MAN1C1: variants seen among roughly 807,000 people sequenced by gnomAD.
MAN1C1 encodes the protein mannosidase alpha class 1C member 1, also known as mannosyl-oligosaccharide 1,2-alpha-mannosidase IC.
A neutral mutation model predicts 71.5 loss-of-function variants in MAN1C1; 49 were observed. That is an observed-to-expected ratio of 0.69 (90% CI 0.54 to 0.87). The LOEUF is 0.87. Among genes scored for constraint, MAN1C1 ranks in the 40% least tolerant of loss-of-function variants. The probability of loss-of-function intolerance (pLI) is 0.00; values close to 1 mark genes in which losing one functional copy is unlikely to be tolerated. For synonymous variants in MAN1C1, 352 were observed against 343.7 expected (o/e 1.02, Z -0.27); for missense variants, 743 against 835.0 (o/e 0.89, Z 1.36).
At chr1:25,738,259 C>G (rs1419320218) in intron 2 of MAN1C1, among the ~76,000 whole-genome samples, 1 of 151,816 alleles carries the variant, frequency 6.6e-6, no homozygotes, top group Non-Finnish European at 1.5e-5. Context: ...TATTCCTGCT[C>G]AAGGAAAAAA....
intron 1 of MAN1C1, among the ~76,000 whole-genome samples, chr1:25,684,437 TG>T (rs986777330): frequency 6.6e-6 from 1 of 152,176 alleles, no homozygotes; most frequent in African/African-American, 2.4e-5. Context: ...TGGCCAAGCC[TG>T]GGGGGGTGTC....
chr1:25,716,008 T>G (rs1400431984), intron 2 of MAN1C1, among the ~76,000 whole-genome samples: 2 of 152,174 alleles, frequency 1.3e-5, no homozygotes, highest in African/African-American at 2.4e-5. Flanking sequence ...GTGGCTCCAG[T>G]CATCGTGTCC....
intron 2 of MAN1C1, among the ~76,000 whole-genome samples, chr1:25,713,662 T>C (rs1252420577): frequency 6.6e-6 from 1 of 152,174 alleles, no homozygotes; most frequent in African/African-American, 2.4e-5. Flanking sequence ...CTGATTCATA[T>C]GAGGTCTGAA....
rs1288375792 is a variant in MAN1C1, at chr1:25,631,876, A to G, written c.540+13539A>G. Among the ~76,000 whole-genome samples the G allele has an allele frequency of 6.6e-6, 1 of 152,142 alleles. No individual in the cohort carries two copies. The highest frequency in any genetic ancestry group is 1.5e-5 in the Non-Finnish European group (1 of 68,022). ...ACCTCTGCCTGCTTAGGTTCAAGTG[A>G]TTCTCCTGCCTCAGCTGCCTGAGTA... is the stretch of plus-strand genomic sequence containing the variant. On this transcript the variant is annotated intron_variant, in intron 1 of 11. Coordinates refer to ENST00000374332, the MANE Select transcript of MAN1C1 (RefSeq NM_020379.4). This position sits in a 1 kb window ranked among gnomAD's most constrained non-coding sequence, Gnocchi z 4.2.
Position 25,686,625 on chromosome 1 carries a change from C to T in MAN1C1, c.637+89C>T. On this transcript the variant is annotated intron_variant, in intron 2 of 11. Coordinates refer to ENST00000374332, the MANE Select transcript of MAN1C1 (RefSeq NM_020379.4). Reference sequence around the variant, plus strand: ...AATTTTACTTTTGGCTTTTCACCTCCTGAGCTGTGGGGGCTCCACAGTTCT... The same window carrying T: ...AATTTTACTTTTGGCTTTTCACCTCTTGAGCTGTGGGGGCTCCACAGTTCT... The T allele has an allele frequency of 8.0e-6, 9 of 1,123,418 alleles. No homozygotes were observed. The Admixed American group carries it at 1.2e-4, about 15-fold the overall frequency. The allele number at this position is 1,123,418 out of a possible 1,614,324, so 69.6% of individuals were successfully genotyped here. A position where few individuals can be genotyped will look rare whatever the true frequency, so the allele number is the denominator to read the frequency against.
intron 2 of MAN1C1, among the ~76,000 whole-genome samples, chr1:25,715,347 A>G (rs1465540888): frequency 6.6e-6 from 1 of 152,128 alleles, no homozygotes; most frequent in Non-Finnish European, 1.5e-5. Flanking sequence ...CTCAAGCAGA[A>G]CATGGACTAG....
Position 25,750,288 on chromosome 1 carries a change from C to T in MAN1C1, c.834+953C>T, listed in dbSNP as rs1001087384. 5.9e-5 allele frequency among the ~76,000 whole-genome samples: 9 copies of T among 152,206 alleles called. 1 individual carries two copies. The South Asian group carries it at 1.0e-3, about 18-fold the overall frequency. On this transcript the variant is annotated intron_variant, in intron 4 of 11. Transcript: ENST00000374332. ...TAGAAATGGGAGGCTTCTTCATCCCCGCTCCCGAGCTCCGGTAAAAGCACA... is the reference window on the plus strand; with the variant it reads ...TAGAAATGGGAGGCTTCTTCATCCCTGCTCCCGAGCTCCGGTAAAAGCACA...
chr1:25,656,095 C>CTTTGTTTTTTTTTTTTTTTT (rs2045761083), intron 1 of MAN1C1, among the ~76,000 whole-genome samples: 1 of 74,988 alleles, frequency 1.3e-5, no homozygotes, highest in Non-Finnish European at 2.2e-5. Context: ...GATTATCAGT[C>CTTTGTTTTTTTTTTTTTTTT]TTTTTTTTTT....
chr1:25,706,794 C>T (rs1347132699), intron 2 of MAN1C1, among the ~76,000 whole-genome samples: 1 of 152,148 alleles, frequency 6.6e-6, no homozygotes, highest in Admixed American at 6.5e-5. Flanking sequence ...AAGAGCAGAG[C>T]CCTCCTCTCA....
Position 25,617,951 on chromosome 1 carries a change from C to T in MAN1C1, c.154C>T (p.Leu52Phe). The T allele has an allele frequency of 6.2e-7, 1 of 1,608,756 alleles. No individual in the cohort carries two copies. Among genetic ancestry groups the T allele is most frequent in the Non-Finnish European group, 8.5e-7 (1 of 1,178,194 alleles). The part of the protein sequence containing the change: ...LLPHSSRLKR[L>F]FLAPRTQQPG... ...GCCCCACTCCTCTCGCCTCAAGCGCCTCTTCCTGGCCCCCCGGACCCAGCA... is the reference window on the plus strand; with the variant it reads ...GCCCCACTCCTCTCGCCTCAAGCGCTTCTTCCTGGCCCCCCGGACCCAGCA... The change falls in exon 1 of 12, where the codon CTC becomes TTC. Residue 52 changes from leucine (L) to phenylalanine (F), a missense_variant. Transcript: ENST00000374332. The surrounding 1 kb of genome is among the most constrained non-coding windows in gnomAD (Gnocchi z 5.1).
At chr1:25,700,031 G>A (rs952438241) in intron 2 of MAN1C1, among the ~76,000 whole-genome samples, 5 of 152,314 alleles carry the variant, frequency 3.3e-5, no homozygotes, top group Non-Finnish European at 5.9e-5. Context: ...AAAGAGCCCC[G>A]GAAGTATGTT....
rs75815331 is a variant in MAN1C1 at position 25,736,145 on chromosome 1, C to G, written c.638-10523C>G. Among the ~76,000 whole-genome samples, 1,460 of 152,232 alleles carry G rather than the reference C, an allele frequency of 9.6e-3. 17 individuals carry two copies. Among genetic ancestry groups the G allele is most frequent in the African/African-American group, 0.032 (1,348 of 41,524 alleles). ...GCGGCAAAGGGCTCTGATTTTTGCC[C>G]TTCTCCCCATTGAGGCAAAGAGAGT... On this transcript the variant is annotated intron_variant, in intron 2 of 11. Coordinates refer to ENST00000374332, the MANE Select transcript of MAN1C1 (RefSeq NM_020379.4).
At position 25,764,486 on chromosome 1, in the gene MAN1C1, C is replaced by G. The variant is rs942569801; in HGVS notation, c.1141+519C>G. On this transcript the variant is annotated intron_variant, in intron 7 of 11. Coordinates refer to ENST00000374332, the MANE Select transcript of MAN1C1 (RefSeq NM_020379.4). This position sits in a 1 kb window ranked among gnomAD's most constrained non-coding sequence, Gnocchi z 4.4. ...GGAGTGCAGTGGCACGATCTCGGCT[C>G]ACTGCAACCTCTGCCTCCCAGGTTC... is the stretch of plus-strand genomic sequence containing the variant. Among the ~76,000 whole-genome samples the G allele has an allele frequency of 6.6e-6, 1 of 152,024 alleles. No individual in the cohort carries two copies. The highest frequency in any genetic ancestry group is 2.4e-5 in the African/African-American group (1 of 41,382).
intron 1 of MAN1C1, among the ~76,000 whole-genome samples, chr1:25,662,103 A>T (rs2045858316): frequency 6.6e-6 from 1 of 152,042 alleles, no homozygotes; most frequent in Non-Finnish European, 1.5e-5. Context: ...CTTATAATTG[A>T]CCTCAGTTTA....
At chr1:25,707,248 T>G (rs545204137) in intron 2 of MAN1C1, among the ~76,000 whole-genome samples, 4 of 152,320 alleles carry the variant, frequency 2.6e-5, no homozygotes, top group African/African-American at 9.6e-5. Flanking sequence ...GGCAGAGATT[T>G]CCAAAGCACT....
At position 25,783,935 on chromosome 1, in the gene MAN1C1, C is replaced by T. The variant is rs2124423495; in HGVS notation, c.*146C>T. The stretch of plus-strand genomic sequence containing the variant: ...TGTCGGACAAGCAACTTCTTTTCCT[C>T]TGTGAGGAGACAAGACTTGGAGACT... On this transcript the variant is annotated 3_prime_UTR_variant, in exon 12 of 12. Coordinates refer to ENST00000374332, the MANE Select transcript of MAN1C1 (RefSeq NM_020379.4). 1 of 1,089,982 alleles carries T rather than the reference C, an allele frequency of 9.2e-7. No homozygotes were observed. The highest frequency in any genetic ancestry group is 2.6e-5 in the East Asian group (1 of 38,004). The allele number at this position is 1,089,982 out of a possible 1,614,324, so 67.5% of individuals were successfully genotyped here.
At chr1:25,751,944 C>T (rs924573471) in intron 4 of MAN1C1, among the ~76,000 whole-genome samples, 2 of 152,164 alleles carry the variant, frequency 1.3e-5, no homozygotes, top group African/African-American at 4.8e-5. Context: ...AGCTCACATG[C>T]AGTGGGTGCC....
At position 25,758,682 on chromosome 1, in the gene MAN1C1, C is replaced by G. The variant is rs778724575; in HGVS notation, c.1020C>G (p.Leu340=). ...TGGAATTCTTACACCTCACTGAACT[C>G]TCTGGCAACCAGGTCTTCGCTGAAA... The part of the protein sequence containing the change: ...LHLEFLHLTE[L]SGNQVFAEKV... The change falls in exon 6 of 12, where the codon CTC becomes CTG. Residue 340 remains leucine (L), a synonymous_variant. Coordinates refer to ENST00000374332, the MANE Select transcript of MAN1C1 (RefSeq NM_020379.4). 1.2e-6 allele frequency: 2 copies of G among 1,614,046 alleles called. No homozygotes were observed. The highest frequency in any genetic ancestry group is 1.7e-6 in the Non-Finnish European group (2 of 1,179,986).
intron 1 of MAN1C1, among the ~76,000 whole-genome samples, chr1:25,623,356 C>T (rs748979158): frequency 6.6e-5 from 10 of 152,052 alleles, no homozygotes; most frequent in Non-Finnish European, 1.2e-4. Flanking sequence ...TTCTTAGGCC[C>T]CATATTCTTA....
Sources: allele counts gnomAD v4.1 joint callset (sites outside exome capture counted in the v4.1 genomes callset), GRCh38; gene constraint gnomAD v4.1.1; non-coding constraint Gnocchi (gnomAD v3.1); transcripts MANE v1.5; gene names NCBI Gene and HGNC (gene_info 2026-07-23, HGNC 2026-07-21).